CADM1: variants seen among roughly 807,000 people sequenced by gnomAD.
The protein encoded by CADM1 is cell adhesion molecule 1, also known as TSLC-1.
In CADM1, 15 loss-of-function variants were observed where a neutral mutation model predicts 53.1. That is an observed-to-expected ratio of 0.28 (90% CI 0.19 to 0.44). The LOEUF (loss-of-function observed/expected upper bound fraction) is 0.44. Ranked by LOEUF, CADM1 falls within the 20% of genes least tolerant of loss-of-function variation. The pLI is 1.00. For synonymous variants in CADM1, 281 were observed against 243.0 expected (o/e 1.16, Z -1.45); for missense variants, 434 against 611.3 (o/e 0.71, Z 3.06).
chr11:115,198,917 G>C (rs1940290703), intron 8 of CADM1, among the ~76,000 whole-genome samples: 2 of 152,136 alleles, frequency 1.3e-5, no homozygotes, highest in African/African-American at 2.4e-5. Context: ...TGCCAATTAG[G>C]CATCACTGAC....
chr11:115,347,618 T>G (rs1454183643), intron 1 of CADM1, among the ~76,000 whole-genome samples: 1 of 152,184 alleles, frequency 6.6e-6, no homozygotes, highest in Admixed American at 6.5e-5. Context: ...TTTCCTGACA[T>G]GAAAATATAA....
intron 1 of CADM1, among the ~76,000 whole-genome samples, chr11:115,320,544 G>A (rs1944795953): frequency 6.6e-6 from 1 of 152,052 alleles, no homozygotes; most frequent in Non-Finnish European, 1.5e-5. Flanking sequence ...GGTGTTTATA[G>A]TATTTCCCTA....
Position 115,175,353 on chromosome 11 carries a change from G to A in CADM1, c.*1121C>T, listed in dbSNP as rs569484067. 1 of 965,068 alleles carries A rather than the reference G, an allele frequency of 1.0e-6. No homozygotes were observed. Among genetic ancestry groups the A allele is most frequent in the Admixed American group, 6.6e-5 (1 of 15,040 alleles). 59.8% of individuals were successfully genotyped at this position (965,068 alleles called of 1,614,324 possible). A position where few individuals can be genotyped will look rare whatever the true frequency, so the allele number is the denominator to read the frequency against. ...CAGTACATGCAGGCCACATCCTACTGCCTTCCTAACTAAGCACAAAGGAAA... is the reference window on the plus strand; with the variant it reads ...CAGTACATGCAGGCCACATCCTACTACCTTCCTAACTAAGCACAAAGGAAA... On this transcript the variant is annotated 3_prime_UTR_variant, in exon 12 of 12. Coordinates refer to ENST00000331581, the MANE Select transcript of CADM1 (RefSeq NM_001301043.2).
chr11:115,490,641 G>A (rs755882840), intron 1 of CADM1, among the ~76,000 whole-genome samples: 6 of 152,046 alleles, frequency 3.9e-5, no homozygotes, highest in African/African-American at 7.2e-5. Flanking sequence ...CTTGTGATCC[G>A]CCCACCTGGG....
At chr11:115,250,467 A>G (rs1190245598) in intron 1 of CADM1, among the ~76,000 whole-genome samples, 1 of 152,190 alleles carries the variant, frequency 6.6e-6, no homozygotes, top group Non-Finnish European at 1.5e-5. Flanking sequence ...AAGATATTTA[A>G]AATCATAAGA....
intron 1 of CADM1, among the ~76,000 whole-genome samples, chr11:115,469,977 G>C (rs748959199): frequency 3.3e-5 from 5 of 152,092 alleles, no homozygotes; most frequent in Non-Finnish European, 7.4e-5. Context: ...CCAGCCCTGG[G>C]GCTTTTATTT....
chr11:115,322,823 T>C (rs939109352), intron 1 of CADM1, among the ~76,000 whole-genome samples: 2 of 152,176 alleles, frequency 1.3e-5, no homozygotes, highest in Admixed American at 1.3e-4. Context: ...ATATTGGATA[T>C]TGTTTCCATT....
At chr11:115,406,800 T>A (rs1016565611) in intron 1 of CADM1, among the ~76,000 whole-genome samples, 1 of 151,124 alleles carries the variant, frequency 6.6e-6, no homozygotes, top group Non-Finnish European at 1.5e-5. Flanking sequence ...TACAAAAAAA[T>A]TAGCTGGGCA....
intron 1 of CADM1, among the ~76,000 whole-genome samples, chr11:115,295,506 T>TTATATATATATATATATATA (rs71066412): frequency 3.6e-5 from 2 of 55,036 alleles, no homozygotes; most frequent in Non-Finnish European, 6.1e-5. Context: ...TCAAGATATT[T>TTATATATATATATATATATA]TATATATATA....
intron 10 of CADM1, chr11:115,190,657 C>A (rs1722305584): frequency 1.9e-6 from 1 of 526,996 alleles, no homozygotes; most frequent in Admixed American, 3.4e-5. Flanking sequence ...GGTAACTTGT[C>A]CTCTCCTGCG....
chr11:115,435,325 C>A (rs185891511), intron 1 of CADM1, among the ~76,000 whole-genome samples: 1 of 152,206 alleles, frequency 6.6e-6, no homozygotes, highest in African/African-American at 2.4e-5. Flanking sequence ...TCAAAGCCAG[C>A]CCAAAAGCTA....
chr11:115,267,099 A>G (rs1943162668), intron 1 of CADM1, among the ~76,000 whole-genome samples: 1 of 152,236 alleles, frequency 6.6e-6, no homozygotes, highest in Non-Finnish European at 1.5e-5. Context: ...CCTGCCATGC[A>G]AAGATGCTAT....
chr11:115,332,907 G>A (rs1023573104), intron 1 of CADM1, among the ~76,000 whole-genome samples: 12 of 151,984 alleles, frequency 7.9e-5, no homozygotes, highest in African/African-American at 2.2e-4. Flanking sequence ...ATCTCCCTGC[G>A]CTTCCCTAAG....
chr11:115,229,541 T>C (rs2134846113), intron 4 of CADM1, among the ~76,000 whole-genome samples: 1 of 152,168 alleles, frequency 6.6e-6, no homozygotes, highest in East Asian at 1.9e-4. Context: ...TTATGTATGG[T>C]TTTTCTATCT....
chr11:115,176,912 C>T (rs148404379), intron 11 of CADM1, among the ~76,000 whole-genome samples: 145 of 152,270 alleles, frequency 9.5e-4, no homozygotes, highest in African/African-American at 3.4e-3. Context: ...GGCTGACTAA[C>T]GTATAAACAG....
intron 1 of CADM1, among the ~76,000 whole-genome samples, chr11:115,323,269 G>C (rs1944871242): frequency 6.6e-6 from 1 of 152,016 alleles, no homozygotes; most frequent in Non-Finnish European, 1.5e-5. Flanking sequence ...GCAACTTTTA[G>C]TCAACTATTC....
At chr11:115,180,618 G>A (rs1172123932) in intron 10 of CADM1, among the ~76,000 whole-genome samples, 1 of 151,792 alleles carries the variant, frequency 6.6e-6, no homozygotes, top group Non-Finnish European at 1.5e-5. Context: ...GGCAGAACTC[G>A]GTCAAGGGAT....
At chr11:115,492,188 C>A (rs1293897168) in intron 1 of CADM1, among the ~76,000 whole-genome samples, 4 of 152,106 alleles carry the variant, frequency 2.6e-5, no homozygotes, top group African/African-American at 9.6e-5. Context: ...ATACGAGAAC[C>A]TAGGATTTGT....
chr11:115,408,119 TA>T (rs1179649427), intron 1 of CADM1, among the ~76,000 whole-genome samples: 26 of 151,262 alleles, frequency 1.7e-4, no homozygotes, highest in South Asian at 1.7e-3. Context: ...AGAGCCGTTT[TA>T]AAAAAAAACT....
Sources: gnomAD v4.1 joint callset for allele counts (sites outside exome capture counted in the v4.1 genomes callset) on GRCh38, gnomAD v4.1.1 for gene constraint, MANE v1.5 for transcripts, NCBI Gene and HGNC (gene_info 2026-07-23, HGNC 2026-07-21) for gene names.